The following EPHX2 variants were observed in gnomAD, a reference collection of about 807,000 sequenced individuals.
EPHX2 encodes the protein bifunctional epoxide hydrolase 2.
EPHX2 carries 74 observed loss-of-function variants against 78.7 expected under a neutral mutation model. The observed-to-expected ratio is 0.94, with a 90% CI of 0.78 to 1.14. EPHX2 has a LOEUF of 1.14. EPHX2 is among the 50% of genes most tolerant of loss of function. EPHX2 has a pLI of 0.00. For missense variants in EPHX2, 715 were observed against 702.5 expected (o/e 1.02, Z -0.20); for synonymous variants, 251 against 255.2 (o/e 0.98, Z 0.16).
At chr8:27,497,335 G>C (rs1045803161) in intron 1 of EPHX2, among the ~76,000 whole-genome samples, 1 of 152,198 alleles carries the variant, frequency 6.6e-6, no homozygotes, top group Non-Finnish European at 1.5e-5. Flanking sequence ...GGGTGAGGGG[G>C]CAGCTTGTTT....
At chr8:27,502,259 C>T (rs1325653919) in intron 2 of EPHX2, among the ~76,000 whole-genome samples, 2 of 152,234 alleles carry the variant, frequency 1.3e-5, no homozygotes, top group East Asian at 3.9e-4. Flanking sequence ...TTGTTGCATG[C>T]TGCCATAGAT....
chr8:27,503,843 A>C (rs1813894064), intron 3 of EPHX2, 80 bp downstream of exon 3: 1 of 1,482,962 alleles, frequency 6.7e-7, no homozygotes, highest in Non-Finnish European at 9.0e-7. Context: ...CATTGAAGTG[A>C]GCTTTGAGAT....
chr8:27,524,233 G>A (rs745608000), intron 11 of EPHX2, among the ~76,000 whole-genome samples: 5 of 150,650 alleles, frequency 3.3e-5, no homozygotes, highest in Non-Finnish European at 7.4e-5. Flanking sequence ...ATGCTTGTCC[G>A]TCTTTTCTAT....
At chr8:27,500,308 C>G (rs1164268509) in intron 1 of EPHX2, among the ~76,000 whole-genome samples, 5 of 152,096 alleles carry the variant, frequency 3.3e-5, no homozygotes, top group Non-Finnish European at 5.9e-5. Context: ...TCCCCTTCAC[C>G]CTCCGCCATG....
At position 27,516,347 on chromosome 8, in the gene EPHX2, C is replaced by G. The variant is rs146349595; in HGVS notation, c.859C>G (p.Arg287Gly). 2.4e-5 allele frequency: 38 copies of G among 1,613,884 alleles called. No individual in the cohort carries two copies. Among genetic ancestry groups the G allele is most frequent in the Admixed American group, 5.0e-5 (3 of 59,996 alleles). ...CCCTGCTCTGGCCCAGGCAGGTTAC[C>G]GGGTCCTAGCTATGGACATGAAAGG... ...QIPALAQAGY[R>G]VLAMDMKGYG... Residue 287 changes from arginine (R) to glycine (G), a missense_variant, in exon 8 of 19, where the codon CGG becomes GGG. Coordinates refer to ENST00000521400, the MANE Select transcript of EPHX2 (RefSeq NM_001979.6).
intron 11 of EPHX2, among the ~76,000 whole-genome samples, chr8:27,525,068 C>CTGTGTGTGTGTG (rs56963159): frequency 2.1e-4 from 28 of 131,216 alleles, no homozygotes; most frequent in African/African-American, 3.5e-4. Flanking sequence ...AGTATGTGTA[C>CTGTGTGTGTGTG]TGTGTGTGTG....
At chr8:27,503,904 G>T in intron 3 of EPHX2, 141 bp downstream of exon 3, 1 of 1,101,152 alleles carries the variant, frequency 9.1e-7, no homozygotes, top group Non-Finnish European at 1.2e-6. Context: ...TGGCCCCAAA[G>T]CAAGTTTTAT....
At chr8:27,525,507 T>G in intron 12 of EPHX2, 34 bp downstream of exon 12, 5 of 1,548,442 alleles carry the variant, frequency 3.2e-6, no homozygotes, top group Non-Finnish European at 3.6e-6. Flanking sequence ...AATGGGAGCA[T>G]TAGTGTTTGC....
rs1473856150 is a variant in EPHX2, at chr8:27,512,201, A to T, written c.735+291A>T. The T allele has an allele frequency of 2.4e-5, 9 of 369,822 alleles. No homozygotes were observed. The East Asian group carries it at 5.3e-4, about 22-fold the overall frequency. 22.9% of individuals were successfully genotyped at this position (369,822 alleles called of 1,614,324 possible). A position where few individuals can be genotyped will look rare whatever the true frequency, so the allele number is the denominator to read the frequency against. Reference sequence around the variant, plus strand: ...GGAAATGTTATTTCCCACAAATCTCATTCCTCAGAAATCAGTGAAAGACAG... The same window carrying T: ...GGAAATGTTATTTCCCACAAATCTCTTTCCTCAGAAATCAGTGAAAGACAG... On this transcript the variant is annotated intron_variant, in intron 6 of 18. Transcript: ENST00000521400.
At chr8:27,521,622 C>G (rs1814650886) in intron 10 of EPHX2, among the ~76,000 whole-genome samples, 1 of 152,192 alleles carries the variant, frequency 6.6e-6, no homozygotes, top group South Asian at 2.1e-4. Flanking sequence ...ATATCATGGT[C>G]CCTACCCTCT....
At chr8:27,519,678 G>A (rs932513818) in intron 9 of EPHX2, among the ~76,000 whole-genome samples, 12 of 152,204 alleles carry the variant, frequency 7.9e-5, no homozygotes, top group Non-Finnish European at 1.2e-4. Flanking sequence ...CCTGGCTACC[G>A]TAACAAAGCG....
chr8:27,518,929 A>G (rs1475068218), intron 9 of EPHX2, among the ~76,000 whole-genome samples: 1 of 152,212 alleles, frequency 6.6e-6, no homozygotes, highest in Non-Finnish European at 1.5e-5. Flanking sequence ...AGGAGCCCCT[A>G]TCCTGCTGTT....
intron 9 of EPHX2, among the ~76,000 whole-genome samples, chr8:27,519,003 C>G (rs1700598483): frequency 6.6e-6 from 1 of 152,206 alleles, no homozygotes; most frequent in African/African-American, 2.4e-5. Flanking sequence ...GACATTGGGT[C>G]ACTTAGGAGA....
intron 6 of EPHX2, among the ~76,000 whole-genome samples, chr8:27,514,326 A>C (rs895054461): frequency 7.2e-5 from 11 of 152,190 alleles, no homozygotes; most frequent in Admixed American, 4.6e-4. Flanking sequence ...CCAAAAAAGA[A>C]ACTTCCAGTG....
rs1364169176 is a variant in EPHX2, at chr8:27,544,747, A to G, written c.*225A>G. On this transcript the variant is annotated 3_prime_UTR_variant, in exon 19 of 19. Transcript: ENST00000521400. The stretch of plus-strand genomic sequence containing the variant: ...TGATTAGTTCTCCAGGCATGAATGC[A>G]TCGTCCCTTTATCTGTAAGAACCCT... 1.7e-6 allele frequency: 1 copy of G among 573,670 alleles called. No individual in the cohort carries two copies. Among genetic ancestry groups the G allele is most frequent in the Non-Finnish European group, 3.1e-6 (1 of 323,064 alleles). 35.5% of individuals were successfully genotyped at this position (573,670 alleles called of 1,614,324 possible). A position where few individuals can be genotyped will look rare whatever the true frequency, so the allele number is the denominator to read the frequency against.
At chr8:27,496,775 T>C (rs911853983) in intron 1 of EPHX2, among the ~76,000 whole-genome samples, 2 of 152,210 alleles carry the variant, frequency 1.3e-5, no homozygotes, top group Non-Finnish European at 2.9e-5. Flanking sequence ...GTGGGGTCTT[T>C]AACCTGATTT....
At position 27,506,872 on chromosome 8, in the gene EPHX2, G is replaced by A. The variant is rs201277862; in HGVS notation, c.538G>A (p.Val180Ile). 2.9e-5 allele frequency: 47 copies of A among 1,613,668 alleles called. No homozygotes were observed. The African/African-American group carries it at 5.3e-4, about 18-fold the overall frequency. ...LDTLKASPSE[V>I]VFLDDIGANL... ...TTCTCCCATGCTGTTTTGGGCTCAGGTCGTTTTTTTGGATGACATCGGGGC... is the reference window on the plus strand; with the variant it reads ...TTCTCCCATGCTGTTTTGGGCTCAGATCGTTTTTTTGGATGACATCGGGGC... The change falls in exon 5 of 19, where the codon GTC (valine) becomes ATC (isoleucine). Residue 180 changes from valine to isoleucine, a missense_variant and splice_region_variant. Coordinates refer to ENST00000521400, the MANE Select transcript of EPHX2 (RefSeq NM_001979.6).
intron 1 of EPHX2, among the ~76,000 whole-genome samples, chr8:27,496,813 C>T (rs371815015): frequency 1.1e-3 from 172 of 152,252 alleles, no homozygotes; most frequent in African/African-American, 3.6e-3. Flanking sequence ...TTTGCCCTTC[C>T]GAATTGTCCT....
chr8:27,505,171 G>C lies in EPHX2; in HGVS notation c.537+25G>C, dbSNP rs68120452. 15,133 of 1,610,844 alleles carry C rather than the reference G, an allele frequency of 9.4e-3. 1,081 individuals are homozygous for C. The African/African-American group carries it at 0.17, about 18-fold the overall frequency. On this transcript the variant is annotated intron_variant, in intron 4 of 18. Coordinates refer to ENST00000521400, the MANE Select transcript of EPHX2 (RefSeq NM_001979.6). Reference sequence around the variant, plus strand: ...GGTACGGAGACACTTCCTTATGGCAGAGAAGGATGTTCAGAGATATTGCAA... The same window carrying C: ...GGTACGGAGACACTTCCTTATGGCACAGAAGGATGTTCAGAGATATTGCAA...
Sources: gnomAD v4.1 joint callset for allele counts (sites outside exome capture counted in the v4.1 genomes callset) on GRCh38, gnomAD v4.1.1 for gene constraint, MANE v1.5 for transcripts, NCBI Gene and HGNC (gene_info 2026-07-23, HGNC 2026-07-21) for gene names.